Variants in HNRNPH1 observed in about 807,000 individuals in gnomAD.
HNRNPH1 encodes heterogeneous nuclear ribonucleoprotein H1.
Under a neutral mutation model 58.6 loss-of-function variants are expected in HNRNPH1, and 4 were observed. The observed-to-expected ratio is 0.07, with a 90% CI of 0.03 to 0.16. The LOEUF is 0.16. Among genes scored for constraint, HNRNPH1 ranks in the 10% least tolerant of loss-of-function variants. The pLI is 1.00. For synonymous variants in HNRNPH1, 192 were observed against 189.2 expected (o/e 1.01, Z -0.12); for missense variants, 271 against 564.2 (o/e 0.48, Z 5.26).
intron 2 of HNRNPH1, among the ~76,000 whole-genome samples, chr5:179,630,838 G>C (rs984757251): frequency 6.6e-6 from 1 of 150,786 alleles, no homozygotes; most frequent in South Asian, 2.1e-4. Flanking sequence ...GTGAACCCGG[G>C]AGGCAGAGCT....
At chr5:179,617,692 C>T (rs767746065) in intron 7 of HNRNPH1, 43 bp from the exon 9 acceptor site, 19 of 1,605,264 alleles carry the variant, frequency 1.2e-5, no homozygotes, top group Middle Eastern at 1.7e-4. Context: ...AACTTTCTAA[C>T]GTTACAAAAA....
chr5:179,624,315 A>C (rs1488128850), exon 1 of HNRNPH1: 5 of 392,670 alleles, frequency 1.3e-5, no homozygotes, highest in Non-Finnish European at 2.2e-5. Context: ...ACTTCCCCTT[A>C]CCTGCCGTCG....
chr5:179,625,020 G>C (rs1195820012), upstream of HNRNPH1, among the ~76,000 whole-genome samples: 2 of 152,188 alleles, frequency 1.3e-5, no homozygotes, highest in African/African-American at 4.8e-5. Context: ...AGAAGGCTTT[G>C]GCAGGTGATC....
chr5:179,631,538 G>A (rs957429377), intron 2 of HNRNPH1, among the ~76,000 whole-genome samples: 2 of 152,032 alleles, frequency 1.3e-5, no homozygotes, highest in African/African-American at 4.8e-5. Flanking sequence ...CTGAGGTCGG[G>A]AGTTCAAGAC....
At chr5:179,619,211 T>C in intron 4 of HNRNPH1, 58 bp downstream of exon 5, 2 of 1,402,148 alleles carry the variant, frequency 1.4e-6, no homozygotes, top group East Asian at 2.4e-5. Flanking sequence ...AGAGAGAATA[T>C]GGATTTAATT....
At chr5:179,632,198 C>CT (rs1774894509) in intron 2 of HNRNPH1, among the ~76,000 whole-genome samples, 1 of 152,010 alleles carries the variant, frequency 6.6e-6, no homozygotes. Flanking sequence ...GTCCCAGCTA[C>CT]TTGGGAGGCT....
exon 1 of HNRNPH1, chr5:179,623,220 C>A: frequency 1.0e-6 from 1 of 956,602 alleles, no homozygotes; most frequent in Non-Finnish European, 1.6e-6. Flanking sequence ...CCTTCGCCTC[C>A]GAGGCGCGCC....
chr5:179,617,172 TTTA>T, intron 8 of HNRNPH1, 62 bp from the exon 10 acceptor site: 1 of 1,506,404 alleles, frequency 6.6e-7, no homozygotes, highest in South Asian at 1.2e-5. Context: ...AATAAGCACT[TTTA>T]TAAAGTTTTT....
At chr5:179,617,337 T>C (rs1770260259) in intron 8 of HNRNPH1, 177 bp downstream of exon 9, 4 of 770,486 alleles carry the variant, frequency 5.2e-6, no homozygotes, top group Middle Eastern at 3.8e-4. Context: ...ATATCACAAA[T>C]CCGTTATACT....
intron 2 of HNRNPH1, among the ~76,000 whole-genome samples, chr5:179,633,548 G>A (rs1775024425): frequency 6.8e-6 from 1 of 146,366 alleles, no homozygotes; most frequent in South Asian, 2.1e-4. Context: ...TCCTGACCTC[G>A]TGATCCACCT....
At chr5:179,615,641 ATTC>A (rs1769159299) in intron 11 of HNRNPH1, 46 bp from the exon 13 acceptor site, 1 of 989,104 alleles carries the variant, frequency 1.0e-6, no homozygotes, top group African/African-American at 1.6e-5. Context: ...CAAAATCACC[ATTC>A]TTTAGACCAA....
intron 8 of HNRNPH1, 126 bp downstream of exon 9, chr5:179,617,388 C>G (rs1770293621): frequency 8.8e-7 from 1 of 1,133,712 alleles, no homozygotes; most frequent in African/African-American, 1.5e-5. Flanking sequence ...GCCCCCGCAT[C>G]CCCCAAGAAT....
chr5:179,622,743 G>A (rs938085152), intron 1 of HNRNPH1: 7 of 152,394 alleles, frequency 4.6e-5, no homozygotes, highest in African/African-American at 1.7e-4. Flanking sequence ...TAAAAGAAAA[G>A]CTGGTGTTCA....
intron 8 of HNRNPH1, 98 bp downstream of exon 9, chr5:179,617,416 G>A (rs1477531820): frequency 7.3e-7 from 1 of 1,368,740 alleles, no homozygotes; most frequent in African/African-American, 1.4e-5. Context: ...TTACTGGAGA[G>A]GAAACTTCTC....
At chr5:179,614,187 T>C (rs1004322675) in exon 13 of HNRNPH1, 10 of 152,330 alleles carry the variant, frequency 6.6e-5, no homozygotes, top group Non-Finnish European at 1.2e-4. Flanking sequence ...GTGCAGTTTT[T>C]AAAAGGAGGA....
At chr5:179,628,818 G>C (rs1377569592), upstream of HNRNPH1, among the ~76,000 whole-genome samples, 3 of 151,816 alleles carry the variant, frequency 2.0e-5, no homozygotes, top group East Asian at 5.8e-4. Context: ...ATCAAGTGTA[G>C]GAAAAAAGAT....
intron 10 of HNRNPH1, 81 bp downstream of exon 11, chr5:179,616,788 A>C: frequency 8.2e-7 from 1 of 1,219,648 alleles, no homozygotes; most frequent in Non-Finnish European, 1.2e-6. Context: ...TAAACTTATT[A>C]AATAAATAGA....
At chr5:179,615,879 A>G (rs1769302062) in intron 11 of HNRNPH1, 1 of 529,588 alleles carries the variant, frequency 1.9e-6, no homozygotes. Flanking sequence ...TTCTTAATTC[A>G]AAGAACACTT....
chr5:179,616,240 A>C, intron 10 of HNRNPH1, 22 bp from the exon 12 acceptor site: 2 of 1,593,670 alleles, frequency 1.3e-6, no homozygotes, highest in Non-Finnish European at 1.7e-6. Context: ...AGAAAACATT[A>C]GAACCTTTTT....
Sources: allele counts gnomAD v4.1 joint callset (sites outside exome capture counted in the v4.1 genomes callset), GRCh38; gene constraint gnomAD v4.1.1; transcripts MANE v1.5; gene names NCBI Gene and HGNC (gene_info 2026-07-23, HGNC 2026-07-21).